ROS1: variants seen among roughly 807,000 people sequenced by gnomAD.
The protein encoded by ROS1 is ROS proto-oncogene 1, receptor tyrosine kinase.
ROS1 carries 263 observed loss-of-function variants against 273.5 expected under a neutral mutation model. That is an observed-to-expected ratio of 0.96 (90% CI 0.87 to 1.06). The LOEUF is 1.06. Ranked by LOEUF, ROS1 falls within the 50% of genes least tolerant of loss-of-function variation. ROS1 has a pLI of 0.00. For synonymous variants in ROS1, 1,008 were observed against 954.1 expected (o/e 1.06, Z -1.04); for missense variants, 2,833 against 2,751.1 (o/e 1.03, Z -0.67).
rs1402698762 is a variant in ROS1 at position 117,310,133 on chromosome 6, T to C, written c.6364A>G (p.Met2122Val). 3.1e-6 allele frequency: 5 copies of C among 1,613,362 alleles called. No individual in the cohort carries two copies. The African/African-American group carries it at 5.3e-5, about 17-fold the overall frequency. Residue 2122 changes from methionine to valine, a missense_variant, in exon 41 of 44, where the codon ATG becomes GTG. By Grantham distance (21) the Met-to-Val change is conservative (BLOSUM62 1). Coordinates refer to ENST00000368507, the MANE Select transcript of ROS1 (RefSeq NM_001378902.1). ...RGEGLLPVRWMAPESLMDGIF... is the reference protein window; with the variant it reads ...RGEGLLPVRWVAPESLMDGIF... ...CCATCCATCAAACTTTCTGGAGCCA[T>C]CCACCGAACTGGGAGCAGGCCTTCC...
chr6:117,341,316 T>C lies in ROS1; in HGVS notation c.4885-5A>G, dbSNP rs1410787713. 6.2e-7 allele frequency: 1 copy of C among 1,612,250 alleles called. No homozygotes were observed. The highest frequency in any genetic ancestry group is 1.3e-5 in the African/African-American group (1 of 74,740). On this transcript the variant is annotated splice_region_variant and splice_polypyrimidine_tract_variant and intron_variant, in intron 30 of 43. Transcript: ENST00000368507. ...CTCAGAGTGGCAGGCAAGAACCTTT[T>C]GGTAAAAAAGAACAATTGCTTAACC...
At chr6:117,298,532 C>T (rs753943017) in intron 43 of ROS1, among the ~76,000 whole-genome samples, 2 of 152,122 alleles carry the variant, frequency 1.3e-5, no homozygotes, top group Non-Finnish European at 2.9e-5. Flanking sequence ...CTAAAGTTTC[C>T]ATATGTGAAG....
chr6:117,319,795 T>C (rs1776158464), intron 37 of ROS1, 73 bp downstream of exon 37: 1 of 1,362,184 alleles, frequency 7.3e-7, no homozygotes, highest in African/African-American at 1.4e-5. Context: ...CAACTTTTAT[T>C]ATAATTATAT....
intron 4 of ROS1, among the ~76,000 whole-genome samples, chr6:117,410,411 A>C (rs1015375934): frequency 6.6e-6 from 1 of 152,230 alleles, no homozygotes; most frequent in African/African-American, 2.4e-5. Context: ...TTTGTAGAGT[A>C]GCTGAATATT....
At chr6:117,298,004 T>C (rs969514994) in intron 43 of ROS1, among the ~76,000 whole-genome samples, 2 of 151,946 alleles carry the variant, frequency 1.3e-5, no homozygotes, top group Non-Finnish European at 2.9e-5. Flanking sequence ...ATAATGAAAA[T>C]GTGTTATAGA....
At chr6:117,416,406 C>T in intron 2 of ROS1, 89 bp from the exon 3 acceptor site, 4 of 841,890 alleles carry the variant, frequency 4.8e-6, no homozygotes, top group Non-Finnish European at 8.2e-6. Context: ...TAACAAAAGG[C>T]ATCACTCTGT....
intron 18 of ROS1, among the ~76,000 whole-genome samples, chr6:117,367,222 A>C (rs967885683): frequency 1.3e-5 from 2 of 152,236 alleles, no homozygotes; most frequent in African/African-American, 4.8e-5. Context: ...GCAATAAATC[A>C]TGATGGAGAC....
chr6:117,308,161 C>T (rs1389781883), intron 42 of ROS1, among the ~76,000 whole-genome samples: 2 of 152,108 alleles, frequency 1.3e-5, no homozygotes, highest in Non-Finnish European at 2.9e-5. Flanking sequence ...CAGATTAATA[C>T]TCAGAATAAA....
Position 117,287,400 on chromosome 6 carries a change from C to A in ROS1, c.*1092G>T, listed in dbSNP as rs925175111. ...ATTTAATTTTAAGCATAATTTGATA[C>A]AAAATGTAATCTTAAGTATTTTATA... On this transcript the variant is annotated 3_prime_UTR_variant, in exon 44 of 44. Transcript: ENST00000368507. Among the ~76,000 whole-genome samples the A allele has an allele frequency of 2.0e-5, 3 of 151,984 alleles. No homozygotes were observed. Among genetic ancestry groups the A allele is most frequent in the East Asian group, 3.9e-4 (2 of 5,184 alleles).
chr6:117,311,257 T>C (rs1775524955), intron 39 of ROS1, 140 bp from the exon 40 acceptor site: 1 of 472,114 alleles, frequency 2.1e-6, no homozygotes, highest in Non-Finnish European at 3.7e-6. Context: ...TTAGTTATGA[T>C]TATAAGAATT....
intron 27 of ROS1, 59 bp from the exon 28 acceptor site, chr6:117,344,321 C>T: frequency 8.5e-7 from 1 of 1,181,732 alleles, no homozygotes; most frequent in Non-Finnish European, 1.2e-6. Flanking sequence ...AGAGGAAAAG[C>T]AGATTTTTAA....
chr6:117,318,081 T>C (rs1776042231), intron 38 of ROS1, 107 bp downstream of exon 38: 1 of 788,656 alleles, frequency 1.3e-6, no homozygotes, highest in Non-Finnish European at 2.2e-6. Flanking sequence ...TTCAACCATG[T>C]TGTTTTAGTC....
intron 38 of ROS1, 106 bp downstream of exon 38, chr6:117,318,082 T>C (rs1776042427): frequency 5.0e-6 from 4 of 793,148 alleles, no homozygotes; most frequent in African/African-American, 1.7e-5. Flanking sequence ...TCAACCATGT[T>C]GTTTTAGTCA....
intron 32 of ROS1, among the ~76,000 whole-genome samples, chr6:117,331,325 A>G (rs989600322): frequency 1.3e-5 from 2 of 152,254 alleles, no homozygotes; most frequent in African/African-American, 4.8e-5. Flanking sequence ...AAAGCCTCCA[A>G]GAAATATGAG....
chr6:117,392,593 G>A (rs2128709521), intron 12 of ROS1, among the ~76,000 whole-genome samples: 1 of 152,218 alleles, frequency 6.6e-6, no homozygotes, highest in South Asian at 2.1e-4. Flanking sequence ...AACTGGGTAA[G>A]TATTATTACC....
Position 117,398,749 on chromosome 6 carries a change from C to T in ROS1, c.605-1633G>A, listed in dbSNP as rs568801869. On this transcript the variant is annotated intron_variant, in intron 7 of 43. Coordinates refer to ENST00000368507, the MANE Select transcript of ROS1 (RefSeq NM_001378902.1). ...CAGCACTTTAGGAGGCCGAGGCGGGCGGATCACGAGGTCAGGAGATTGAGA... is the reference window on the plus strand; with the variant it reads ...CAGCACTTTAGGAGGCCGAGGCGGGTGGATCACGAGGTCAGGAGATTGAGA... Among the ~76,000 whole-genome samples the T allele has an allele frequency of 6.9e-3, 1,032 of 149,370 alleles. 3 individuals are homozygous for T. The highest frequency in any genetic ancestry group is 0.01 in the Non-Finnish European group (684 of 67,588).
At chr6:117,300,915 T>G (rs1158704043) in intron 43 of ROS1, 59 bp downstream of exon 43, 2 of 1,351,840 alleles carry the variant, frequency 1.5e-6, no homozygotes, top group East Asian at 2.6e-5. Context: ...CATTCCATTT[T>G]AACTTTGTTC....
At position 117,298,025 on chromosome 6, in the gene ROS1, C is replaced by T. The variant is rs112407367; in HGVS notation, c.6715+2949G>A. ...AAAATGTGTTATAGACAATGAAATA[C>T]TATTCAGCCACTAAAAAGGAATGAA... is the stretch of plus-strand genomic sequence containing the variant. On this transcript the variant is annotated intron_variant, in intron 43 of 43. Coordinates refer to ENST00000368507, the MANE Select transcript of ROS1 (RefSeq NM_001378902.1). Among the ~76,000 whole-genome samples the T allele has an allele frequency of 1.7e-3, 246 of 146,966 alleles. 1 individual carries two copies. Among genetic ancestry groups the T allele is most frequent in the African/African-American group, 5.7e-3 (234 of 40,972 alleles).
intron 21 of ROS1, among the ~76,000 whole-genome samples, chr6:117,363,911 C>T (rs1352036659): frequency 6.6e-6 from 1 of 152,146 alleles, no homozygotes; most frequent in Non-Finnish European, 1.5e-5. Flanking sequence ...TAGTACAGAA[C>T]TGGCATACAG....
Sources: allele counts gnomAD v4.1 joint callset (sites outside exome capture counted in the v4.1 genomes callset), GRCh38; gene constraint gnomAD v4.1.1; transcripts MANE v1.5; gene names NCBI Gene and HGNC (gene_info 2026-07-23, HGNC 2026-07-21).